Variants in NFASC observed in about 807,000 individuals in gnomAD.
The protein encoded by NFASC is neurofascin homolog.
A neutral mutation model predicts 147.5 loss-of-function variants in NFASC; 43 were observed. The observed-to-expected ratio is 0.29, with a 90% CI of 0.23 to 0.38. The LOEUF is 0.38. Ranked by LOEUF, NFASC falls within the 10% of genes least tolerant of loss-of-function variation. The probability of loss-of-function intolerance (pLI) is 1.00; values close to 1 mark genes in which losing one functional copy is unlikely to be tolerated. For synonymous variants in NFASC, 622 were observed against 665.5 expected (o/e 0.93, Z 1.01); for missense variants, 1,320 against 1,689.0 (o/e 0.78, Z 3.83).
intron 7 of NFASC, among the ~76,000 whole-genome samples, 192 bp downstream of exon 7, chr1:204,955,143 TGTGTGATCTTGAGCAA>T (rs1400142206): frequency 6.6e-6 from 1 of 152,212 alleles, no homozygotes; most frequent in East Asian, 1.9e-4. Context: ...GCCTGGCTGC[TGTGTGATCTTGAGCAA>T]GTGTGATCTT....
At position 204,844,659 on chromosome 1, in the gene NFASC, T is replaced by G. The variant is rs77787727; in HGVS notation, c.-200+15877T>G. Among the ~76,000 whole-genome samples the G allele has an allele frequency of 2.6e-3, 400 of 152,262 alleles. 2 individuals carry two copies. The highest frequency in any genetic ancestry group is 9.4e-3 in the African/African-American group (389 of 41,554). On this transcript the variant is annotated intron_variant, in intron 1 of 29. Coordinates refer to ENST00000339876, the MANE Select transcript of NFASC (RefSeq NM_001005388.3). ...GCTTTGGGAGGCTGAGGCAAGCAGA[T>G]CACTTGGGCTCAATGTAAGAATTAA...
intron 1 of NFASC, among the ~76,000 whole-genome samples, chr1:204,888,122 C>G (rs916562478): frequency 1.8e-4 from 28 of 152,308 alleles, no homozygotes; most frequent in African/African-American, 6.5e-4. Context: ...CCTTGGCTCT[C>G]TCTGATTTCC....
At chr1:204,875,967 C>T (rs1324041436) in intron 1 of NFASC, among the ~76,000 whole-genome samples, 2 of 152,160 alleles carry the variant, frequency 1.3e-5, no homozygotes, top group Non-Finnish European at 2.9e-5. Context: ...CTGCAACCCT[C>T]TTAGACTCAG....
intron 1 of NFASC, among the ~76,000 whole-genome samples, chr1:204,846,494 C>A (rs760427700): frequency 4.6e-5 from 7 of 152,152 alleles, no homozygotes; most frequent in African/African-American, 7.2e-5. Context: ...TGGTAGCCAT[C>A]TCCTGACTTT....
At chr1:205,002,770 C>T (rs2096017563) in intron 27 of NFASC, 22 bp downstream of exon 27, 6 of 1,418,566 alleles carry the variant, frequency 4.2e-6, no homozygotes, top group Admixed American at 2.2e-5. Context: ...CCTGGCCTGG[C>T]CATCCCCTGC....
intron 23 of NFASC, chr1:204,989,086 G>A: frequency 2.1e-6 from 1 of 482,504 alleles, no homozygotes; most frequent in Non-Finnish European, 3.8e-6. Flanking sequence ...TTCTTGTAGA[G>A]GAATAAGGAA....
chr1:204,899,323 G>C (rs773482974), intron 1 of NFASC, among the ~76,000 whole-genome samples: 1 of 152,178 alleles, frequency 6.6e-6, no homozygotes, highest in African/African-American at 2.4e-5. Flanking sequence ...TCATTAAGTT[G>C]GTTTTCTCTG....
intron 1 of NFASC, among the ~76,000 whole-genome samples, chr1:204,833,099 G>C (rs777065445): frequency 3.3e-5 from 5 of 152,228 alleles, no homozygotes; most frequent in Non-Finnish European, 7.3e-5. Flanking sequence ...ACATTGGTTA[G>C]ATTGTGCCAG....
chr1:204,858,150 C>T (rs1422955085), intron 1 of NFASC, among the ~76,000 whole-genome samples: 2 of 151,448 alleles, frequency 1.3e-5, no homozygotes, highest in African/African-American at 4.8e-5. Flanking sequence ...GAACTCCTAA[C>T]CTCAGGTGAT....
Position 204,987,335 on chromosome 1 carries a change from T to A in NFASC, c.2471-83T>A, listed in dbSNP as rs1240154734. Reference sequence around the variant, plus strand: ...GGTTGTCCAGAGGTCAATGCCTTCATACTTGTGCTTTGTTTTTTGTGTTTT... The same window carrying A: ...GGTTGTCCAGAGGTCAATGCCTTCAAACTTGTGCTTTGTTTTTTGTGTTTT... On this transcript the variant is annotated intron_variant, in intron 21 of 29. Transcript: ENST00000339876. The surrounding 1 kb of genome is among the most constrained non-coding windows in gnomAD (Gnocchi z 4.4). 2.2e-6 allele frequency: 3 copies of A among 1,362,880 alleles called. No homozygotes were observed. Among genetic ancestry groups the A allele is most frequent in the Admixed American group, 2.0e-5 (1 of 50,758 alleles). The allele number at this position is 1,362,880 out of a possible 1,614,324, so 84.4% of individuals were successfully genotyped here.
Position 204,880,091 on chromosome 1 carries a change from G to A in NFASC, c.-199-40541G>A, listed in dbSNP as rs537272742. Among the ~76,000 whole-genome samples the A allele has an allele frequency of 2.6e-5, 4 of 152,196 alleles. No individual in the cohort carries two copies. The East Asian group carries it at 5.8e-4, about 22-fold the overall frequency. ...TCAGCTAGTTATCTCAGTAGCAGGG[G>A]GAGTGCACAATTTATTTTAAAAGAA... On this transcript the variant is annotated intron_variant, in intron 1 of 29. Coordinates refer to ENST00000339876, the MANE Select transcript of NFASC (RefSeq NM_001005388.3).
At chr1:204,839,359 C>T in intron 1 of NFASC, among the ~76,000 whole-genome samples, 1 of 146,650 alleles carries the variant, frequency 6.8e-6, no homozygotes, top group Non-Finnish European at 1.5e-5. Context: ...GAAAGGCAGG[C>T]ACGTATGAAA....
At chr1:204,946,564 A>G (rs2093752953) in intron 3 of NFASC, 1 of 442,600 alleles carries the variant, frequency 2.3e-6, no homozygotes. Context: ...GAAACTGAAC[A>G]CACTTTCCCA....
intron 1 of NFASC, among the ~76,000 whole-genome samples, chr1:204,894,191 G>T (rs1048292953): frequency 6.6e-6 from 1 of 152,216 alleles, no homozygotes; most frequent in African/African-American, 2.4e-5. Context: ...AAAAATATTT[G>T]TCAAAAGTTT....
At chr1:204,882,423 C>G (rs918507800) in intron 1 of NFASC, among the ~76,000 whole-genome samples, 1 of 151,704 alleles carries the variant, frequency 6.6e-6, no homozygotes, top group Admixed American at 6.5e-5. Context: ...CTGCCTTAAG[C>G]TATTCCCCCC....
At chr1:204,837,767 G>A (rs1389400424) in intron 1 of NFASC, among the ~76,000 whole-genome samples, 1 of 151,646 alleles carries the variant, frequency 6.6e-6, no homozygotes, top group South Asian at 2.1e-4. Flanking sequence ...AGGGGATCTC[G>A]AGAATGATTC....
intron 1 of NFASC, 150 bp downstream of exon 1, chr1:204,828,932 C>T: frequency 2.6e-6 from 1 of 390,042 alleles, no homozygotes; most frequent in Non-Finnish European, 3.5e-6. Flanking sequence ...CCTCTCCACA[C>T]TGTCACCTGC....
chr1:204,961,989 A>G, intron 8 of NFASC: 1 of 723,402 alleles, frequency 1.4e-6, no homozygotes, highest in Non-Finnish European at 2.5e-6. Context: ...CCTTTGCAAA[A>G]GACCACTGCT....
intron 1 of NFASC, among the ~76,000 whole-genome samples, chr1:204,883,100 T>A (rs917599494): frequency 4.6e-5 from 7 of 152,086 alleles, no homozygotes; most frequent in Admixed American, 6.5e-5. Flanking sequence ...AAGCCGATCT[T>A]AAACAGTAGT....
Sources: gnomAD v4.1 joint callset for allele counts (sites outside exome capture counted in the v4.1 genomes callset) on GRCh38, gnomAD v4.1.1 for gene constraint, Gnocchi (gnomAD v3.1) non-coding constraint, MANE v1.5 for transcripts, NCBI Gene and HGNC (gene_info 2026-07-23, HGNC 2026-07-21) for gene names.